BPHL: variants seen among roughly 807,000 people sequenced by gnomAD.
BPHL encodes the protein serine hydrolase BPHL.
In BPHL, 27 loss-of-function variants were observed where a neutral mutation model predicts 31.2. The observed-to-expected ratio is 0.87, with a 90% confidence interval of 0.64 to 1.19. BPHL has a LOEUF of 1.19. Ranked by LOEUF, BPHL falls within the 50% of genes most tolerant of loss-of-function variation. The pLI is 0.00. For synonymous variants in BPHL, 150 were observed against 146.8 expected (o/e 1.02, Z -0.16); for missense variants, 356 against 375.7 (o/e 0.95, Z 0.43).
intron 6 of BPHL, 63 bp from the exon 7 acceptor site, chr6:3,152,425 A>C (rs956216771): frequency 7.4e-7 from 1 of 1,351,202 alleles, no homozygotes; most frequent in Non-Finnish European, 1.1e-6. Context: ...TGTTGGGGAG[A>C]GTGAGGGGTT....
rs1761636559 is a variant in BPHL at position 3,123,707 on chromosome 6, A to G, written c.158A>G (p.Tyr53Cys). Residue 53 changes from tyrosine to cysteine, a missense_variant, in exon 2 of 7, where the codon TAC becomes TGC. Coordinates refer to ENST00000380379, the MANE Select transcript of BPHL (RefSeq NM_004332.4). ...KVAVNGVQLH[Y>C]QQTGEGDHAV... ...GCTGTGAATGGCGTTCAGCTGCATT[A>G]CCAGCAGACTGGAGAGGGAGATCAC... is the stretch of plus-strand genomic sequence containing the variant. The G allele has an allele frequency of 1.2e-6, 2 of 1,613,716 alleles. No homozygotes were observed. Among genetic ancestry groups the G allele is most frequent in the African/African-American group, 2.7e-5 (2 of 74,914 alleles).
intron 6 of BPHL, among the ~76,000 whole-genome samples, chr6:3,146,556 TC>T (rs113884295): frequency 0.025 from 23 of 930 alleles, 3 homozygotes; most frequent in South Asian, 0.071. Flanking sequence ...CTGGTTTGGG[TC>T]GGGAGTGCTG....
rs562702316 is a variant in BPHL, at chr6:3,130,812, T to C, written c.532+1614T>C. On this transcript the variant is annotated intron_variant, in intron 4 of 6. Coordinates refer to ENST00000380379, the MANE Select transcript of BPHL (RefSeq NM_004332.4). ...GCTACTTAGTGGCAGCGTTCTGTTG[T>C]AGAATTGTAGTTCTTCACAGTCTTT... Among the ~76,000 whole-genome samples, 140 of 152,338 alleles carry C rather than the reference T, an allele frequency of 9.2e-4. 5 individuals are homozygous for C. In the South Asian group the frequency reaches 0.027, roughly 29 times the overall value.
intron 5 of BPHL, chr6:3,139,186 T>C (rs761822592): frequency 1.3e-5 from 2 of 152,220 alleles, no homozygotes; most frequent in African/African-American, 4.8e-5. Flanking sequence ...TGAGGTATTA[T>C]CTATTCAGCT....
chr6:3,122,361 C>G (rs1457799497), intron 1 of BPHL, among the ~76,000 whole-genome samples: 1 of 152,200 alleles, frequency 6.6e-6, no homozygotes, highest in African/African-American at 2.4e-5. Context: ...GAGAAGAGAG[C>G]GCCTCCTTCT....
chr6:3,143,850 C>T (rs534844404), intron 6 of BPHL, among the ~76,000 whole-genome samples: 5 of 152,328 alleles, frequency 3.3e-5, no homozygotes, highest in Admixed American at 2.0e-4. Flanking sequence ...GCCAGAGGCC[C>T]GGTTCTGGGT....
At chr6:3,135,786 C>G (rs1405436198) in intron 4 of BPHL, among the ~76,000 whole-genome samples, 1 of 152,128 alleles carries the variant, frequency 6.6e-6, no homozygotes, top group Non-Finnish European at 1.5e-5. Context: ...TGGTTAGGAG[C>G]TAATATTTAC....
chr6:3,129,121 A>G lies in BPHL; in HGVS notation c.455A>G (p.Tyr152Cys). 6.2e-7 allele frequency: 1 copy of G among 1,613,806 alleles called. No individual in the cohort carries two copies. The highest frequency in any genetic ancestry group is 8.5e-7 in the Non-Finnish European group (1 of 1,179,840). The part of the protein sequence containing the change: ...GITALIAAAK[Y>C]PSYIHKMVIW... ...ACCGCACTCATTGCTGCTGCAAAAT[A>G]TCCATCTTACATCCACAAGATGGTG... The change falls in exon 4 of 7, where the codon TAT (tyrosine) becomes TGT (cysteine). Residue 152 changes from tyrosine (Y) to cysteine (C), a missense_variant. Coordinates refer to ENST00000380379, the MANE Select transcript of BPHL (RefSeq NM_004332.4).
intron 5 of BPHL, chr6:3,139,165 T>G (rs1399059940): frequency 6.6e-6 from 1 of 152,160 alleles, no homozygotes; most frequent in Non-Finnish European, 1.5e-5. Context: ...GCTGTTGTTG[T>G]GGGGATTAAA....
rs1762574827 is a variant in BPHL at position 3,153,340 on chromosome 6, G to C, written c.*765G>C. On this transcript the variant is annotated 3_prime_UTR_variant, in exon 7 of 7. Coordinates refer to ENST00000380379, the MANE Select transcript of BPHL (RefSeq NM_004332.4). The stretch of plus-strand genomic sequence containing the variant: ...GAAGTAGGGAGAGTCCGTGCCCGAG[G>C]TCCTCAATTCTAAGATCAGAGGATG... 1 of 171,556 alleles carries C rather than the reference G, an allele frequency of 5.8e-6. No homozygotes were observed. The highest frequency in any genetic ancestry group is 1.3e-5 in the Non-Finnish European group (1 of 78,686). 10.6% of individuals were successfully genotyped at this position (171,556 alleles called of 1,614,324 possible).
Position 3,129,076 on chromosome 6 carries a change from G to A in BPHL, c.410G>A (p.Gly137Glu). Reference sequence around the variant, plus strand: ...AAGTTTAAGAAGGTTTCTCTGCTGGGGTGGAGTGATGGGGGCATAACCGCA... The same window carrying A: ...AAGTTTAAGAAGGTTTCTCTGCTGGAGTGGAGTGATGGGGGCATAACCGCA... Reference protein sequence around the residue: ...ALKFKKVSLLGWSDGGITALI... With the variant: ...ALKFKKVSLLEWSDGGITALI... The change falls in exon 4 of 7, where the codon GGG becomes GAG. Residue 137 changes from glycine to glutamate, a missense_variant. Transcript: ENST00000380379. 6.2e-7 allele frequency: 1 copy of A among 1,614,234 alleles called. No homozygotes were observed.
intron 1 of BPHL, chr6:3,119,457 A>G (rs370141782): frequency 1.1e-5 from 17 of 1,613,202 alleles, no homozygotes; most frequent in Non-Finnish European, 1.4e-5. Flanking sequence ...ATGTGTGGAG[A>G]TGCCCAGGAA....
rs141677470 is a variant in BPHL, at chr6:3,129,182, C to T, written c.516C>T (p.Asp172=). ...CCAACGCCTACGTCACTGACGAAGA[C>T]AGCATGATATATGAGGGTAGGTTCT... ...WGANAYVTDE[D]SMIYEGIRDV... is the part of the protein sequence containing the mutation. Residue 172 remains aspartate (D), a synonymous_variant, in exon 4 of 7, where the codon GAC becomes GAT. Transcript: ENST00000380379. 3.4e-5 allele frequency: 55 copies of T among 1,595,232 alleles called. No individual in the cohort carries two copies. The highest frequency in any genetic ancestry group is 4.6e-5 in the Non-Finnish European group (54 of 1,170,346).
At chr6:3,141,800 C>G (rs1358013178) in intron 6 of BPHL, among the ~76,000 whole-genome samples, 1 of 151,918 alleles carries the variant, frequency 6.6e-6, no homozygotes, top group Non-Finnish European at 1.5e-5. Flanking sequence ...ATGGCGAAAC[C>G]CCATCTGTAC....
intron 6 of BPHL, among the ~76,000 whole-genome samples, chr6:3,143,997 C>CCT (rs919035987): frequency 6.6e-6 from 1 of 152,274 alleles, no homozygotes; most frequent in African/African-American, 2.4e-5. Context: ...AGCGAGGCTT[C>CCT]CTCGCCTCTG....
intron 3 of BPHL, among the ~76,000 whole-genome samples, chr6:3,128,603 A>T (rs893846452): frequency 2.0e-5 from 3 of 152,162 alleles, no homozygotes; most frequent in Admixed American, 6.5e-5. Context: ...TTCTTCCCAC[A>T]GTTGCTTTAC....
At chr6:3,146,831 T>TGGAGTGCTGGTTTGGGTC (rs879365037) in intron 6 of BPHL, among the ~76,000 whole-genome samples, 7 of 147,454 alleles carry the variant, frequency 4.7e-5, no homozygotes, top group Non-Finnish European at 7.5e-5. Flanking sequence ...TGGTTCCGGC[T>TGGAGTGCTGGTTTGGGTC]GGAGTGCTGG....
intron 6 of BPHL, among the ~76,000 whole-genome samples, chr6:3,141,066 G>A (rs931128578): frequency 9.9e-5 from 15 of 152,152 alleles, no homozygotes; most frequent in African/African-American, 3.6e-4. Flanking sequence ...TTTAACAACA[G>A]ATTTCTCAGA....
intron 4 of BPHL, among the ~76,000 whole-genome samples, chr6:3,135,991 G>C (rs546539953): frequency 6.6e-6 from 1 of 152,276 alleles, no homozygotes; most frequent in South Asian, 2.1e-4. Flanking sequence ...CCCAGAGCAG[G>C]CCTGCCTTTG....
Sources: allele counts gnomAD v4.1 joint callset (sites outside exome capture counted in the v4.1 genomes callset), GRCh38; gene constraint gnomAD v4.1.1; transcripts MANE v1.5; gene names NCBI Gene and HGNC (gene_info 2026-07-23, HGNC 2026-07-21).